The following SYNPR variants were observed in gnomAD, a reference collection of about 807,000 sequenced individuals.
SYNPR encodes synaptoporin.
Under a neutral mutation model 32.9 loss-of-function variants are expected in SYNPR, and 23 were observed. The observed-to-expected ratio is 0.70, with a 90% CI of 0.50 to 0.99. The LOEUF (loss-of-function observed/expected upper bound fraction) is 0.99, where lower values mean the gene tolerates loss of function less well. Ranked by LOEUF, SYNPR falls within the 50% of genes least tolerant of loss-of-function variation. The pLI is 0.00. For missense variants in SYNPR, 318 were observed against 349.3 expected (o/e 0.91, Z 0.71); for synonymous variants, 146 against 135.9 (o/e 1.07, Z -0.52).
At chr3:63,261,124 C>T (rs35975558) in intron 2 of SYNPR, among the ~76,000 whole-genome samples, 34,931 of 151,480 alleles carry the variant, frequency 0.23, 4,262 homozygotes, top group South Asian at 0.39. Flanking sequence ...GGTGGGACTG[C>T]AAACTCGTTC....
chr3:63,334,857 T>G lies in SYNPR; in HGVS notation c.84+56115T>G, dbSNP rs1028668215. On this transcript the variant is annotated intron_variant, in intron 2 of 5. Transcript: ENST00000478300. The stretch of plus-strand genomic sequence containing the variant: ...CAATAGCGAAAACTGCAATAACCTT[T>G]GCACCAACCTAATAGTTCCACTAGC... Among the ~76,000 whole-genome samples the G allele has an allele frequency of 6.6e-5, 10 of 152,174 alleles. 1 individual carries two copies. In the East Asian group the frequency reaches 1.7e-3, roughly 26 times the overall value.
chr3:63,394,141 C>G (rs538888392), intron 2 of SYNPR, among the ~76,000 whole-genome samples: 2 of 152,308 alleles, frequency 1.3e-5, no homozygotes, highest in Admixed American at 1.3e-4. Flanking sequence ...TAAATATTTG[C>G]TCCACTTCCA....
chr3:63,609,012 A>G, intron 4 of SYNPR, 113 bp from the exon 5 acceptor site: 1 of 941,862 alleles, frequency 1.1e-6, no homozygotes. Flanking sequence ...TTCCAGTGCT[A>G]TGGGATCTTA....
chr3:63,496,792 A>G (rs989318136), intron 3 of SYNPR, among the ~76,000 whole-genome samples: 2 of 144,954 alleles, frequency 1.4e-5, no homozygotes, highest in Non-Finnish European at 3.0e-5. Flanking sequence ...TACCCACCTT[A>G]TCTCTTGCCC....
At chr3:63,360,359 C>A (rs980033104) in intron 2 of SYNPR, among the ~76,000 whole-genome samples, 1 of 152,194 alleles carries the variant, frequency 6.6e-6, no homozygotes, top group African/African-American at 2.4e-5. Context: ...CCTATCTTAA[C>A]TGGACCATTG....
At position 63,402,371 on chromosome 3, in the gene SYNPR, C is replaced by T. The variant is rs74358405; in HGVS notation, c.85-78461C>T. Among the ~76,000 whole-genome samples the T allele has an allele frequency of 9.2e-3, 1,396 of 152,210 alleles. 12 individuals carry two copies. Among genetic ancestry groups the T allele is most frequent in the East Asian group, 0.035 (182 of 5,166 alleles). ...AGGCAGAATCTCCCCCAGTTGAGAA[C>T]CACTGCTCTAAATGATAAAAATCAG... On this transcript the variant is annotated intron_variant, in intron 2 of 5. Coordinates refer to ENST00000478300, the MANE Select transcript of SYNPR (RefSeq NM_001130003.2).
chr3:63,222,602 C>T, the SYNPR span, among the ~76,000 whole-genome samples: 46 of 152,086 alleles, frequency 3.0e-4, no homozygotes, highest in South Asian at 2.1e-4. Context: ...CTGCAACTTT[C>T]GCCTCCCAGG....
At chr3:63,220,165 A>G in the SYNPR span, among the ~76,000 whole-genome samples, 21 of 152,220 alleles carry the variant, frequency 1.4e-4, no homozygotes, top group Admixed American at 7.9e-4. Flanking sequence ...GCAAGGTGAA[A>G]TTAAGAAGTC....
At chr3:63,445,440 A>T in intron 2 of SYNPR, 1 of 620,920 alleles carries the variant, frequency 1.6e-6, no homozygotes, top group Non-Finnish European at 2.9e-6. Flanking sequence ...CATAACCAGA[A>T]AATCTGTCAT....
At chr3:63,535,709 G>A (rs115662075) in intron 3 of SYNPR, among the ~76,000 whole-genome samples, 20 of 148,820 alleles carry the variant, frequency 1.3e-4, no homozygotes, top group Non-Finnish European at 2.1e-4. Flanking sequence ...AAAAGGTGCT[G>A]AGACAACTGA....
chr3:63,537,098 C>T (rs1252623562), intron 3 of SYNPR, among the ~76,000 whole-genome samples: 1 of 151,940 alleles, frequency 6.6e-6, no homozygotes, highest in Non-Finnish European at 1.5e-5. Context: ...CTGAAACGTG[C>T]ACTTTAAAAG....
intron 2 of SYNPR, among the ~76,000 whole-genome samples, chr3:63,354,422 G>A (rs2087548397): frequency 6.6e-6 from 1 of 152,160 alleles, no homozygotes; most frequent in South Asian, 2.1e-4. Flanking sequence ...CATCATGAAT[G>A]TCAAACCTAA....
intron 2 of SYNPR, among the ~76,000 whole-genome samples, chr3:63,395,295 T>A (rs1330792786): frequency 6.6e-6 from 1 of 152,190 alleles, no homozygotes. Flanking sequence ...TTATAAGAAA[T>A]CTTGAGAAGT....
chr3:63,368,750 C>T (rs185646963), intron 2 of SYNPR, among the ~76,000 whole-genome samples: 6 of 152,074 alleles, frequency 3.9e-5, no homozygotes, highest in Non-Finnish European at 7.4e-5. Context: ...AAAAAAATGG[C>T]CTTTGATTTT....
chr3:63,377,466 C>T (rs1272495043), intron 2 of SYNPR, among the ~76,000 whole-genome samples: 2 of 152,044 alleles, frequency 1.3e-5, no homozygotes, highest in Non-Finnish European at 2.9e-5. Context: ...AAAATAGCTT[C>T]AGGACAATAG....
At chr3:63,445,574 T>C in intron 2 of SYNPR, 1 of 701,014 alleles carries the variant, frequency 1.4e-6, no homozygotes, top group Non-Finnish European at 2.6e-6. Context: ...TCATTTCCAT[T>C]TAGTAAGTAC....
chr3:63,574,705 T>C (rs2106851523), intron 4 of SYNPR, among the ~76,000 whole-genome samples: 1 of 152,246 alleles, frequency 6.6e-6, no homozygotes, highest in East Asian at 1.9e-4. Context: ...GATCTTATCT[T>C]ATTCTTCACT....
intron 4 of SYNPR, among the ~76,000 whole-genome samples, chr3:63,575,438 C>G (rs1481647953): frequency 6.6e-6 from 1 of 152,078 alleles, no homozygotes; most frequent in Non-Finnish European, 1.5e-5. Context: ...CATCCATTAG[C>G]CCCCCTCAGT....
At position 63,278,449 on chromosome 3, in the gene SYNPR, G is replaced by A. The variant is rs2106915052; in HGVS notation, c.-85G>A. On this transcript the variant is annotated 5_prime_UTR_variant, in exon 1 of 6. Coordinates refer to ENST00000478300, the MANE Select transcript of SYNPR (RefSeq NM_001130003.2). ...CGCTCCTCTGGCTGCTCCCGAAGGG[G>A]CTTCTGGCCCTGAGGACGGTGGTGC... 1.4e-6 allele frequency: 2 copies of A among 1,479,034 alleles called. No homozygotes were observed. Among genetic ancestry groups the A allele is most frequent in the Non-Finnish European group, 1.8e-6 (2 of 1,107,822 alleles). The allele number at this position is 1,479,034 out of a possible 1,614,324, so 91.6% of individuals were successfully genotyped here. A position where few individuals can be genotyped will look rare whatever the true frequency, so the allele number is the denominator to read the frequency against.
Sources: allele counts gnomAD v4.1 joint callset (sites outside exome capture counted in the v4.1 genomes callset), GRCh38; gene constraint gnomAD v4.1.1; transcripts MANE v1.5; gene names NCBI Gene and HGNC (gene_info 2026-07-23, HGNC 2026-07-21).